The following LHFPL3 variants were observed in gnomAD, a reference collection of about 807,000 sequenced individuals.
The protein encoded by LHFPL3 is LHFPL tetraspan subfamily member 3 protein.
LHFPL3 carries 5 observed loss-of-function variants against 19.3 expected under a neutral mutation model. The observed-to-expected ratio is 0.26, with a 90% confidence interval of 0.14 to 0.54. The LOEUF (loss-of-function observed/expected upper bound fraction) is 0.54, where lower values mean the gene tolerates loss of function less well. Among genes scored for constraint, LHFPL3 ranks in the 20% least tolerant of loss-of-function variants. The pLI, the probability that LHFPL3 is intolerant of heterozygous loss-of-function variation, is 0.94. For missense variants in LHFPL3, 249 were observed against 307.4 expected (o/e 0.81, Z 1.42); for synonymous variants, 133 against 126.2 (o/e 1.05, Z -0.36).
At chr7:104,467,069 A>G (rs1482014885) in intron 1 of LHFPL3, among the ~76,000 whole-genome samples, 1 of 148,162 alleles carries the variant, frequency 6.7e-6, no homozygotes, top group Non-Finnish European at 1.5e-5. Context: ...CATTTTATCT[A>G]AAACAATTTA....
chr7:104,699,276 T>C (rs909596418), intron 1 of LHFPL3, among the ~76,000 whole-genome samples: 1 of 152,226 alleles, frequency 6.6e-6, no homozygotes, highest in South Asian at 2.1e-4. Context: ...TGGAATTAAC[T>C]GAAGCATCCA....
chr7:104,502,645 C>T (rs1057322163), intron 1 of LHFPL3, among the ~76,000 whole-genome samples: 11 of 152,272 alleles, frequency 7.2e-5, no homozygotes, highest in African/African-American at 2.6e-4. Context: ...CACACCACCT[C>T]CCAATGTATT....
chr7:104,867,076 A>C (rs1791738835), intron 2 of LHFPL3, among the ~76,000 whole-genome samples: 1 of 152,252 alleles, frequency 6.6e-6, no homozygotes, highest in African/African-American at 2.4e-5. Flanking sequence ...CATTCAAAGC[A>C]GTGTGTAGAG....
At chr7:104,648,390 A>G (rs1034389090) in intron 1 of LHFPL3, among the ~76,000 whole-genome samples, 2 of 152,224 alleles carry the variant, frequency 1.3e-5, no homozygotes, top group Non-Finnish European at 2.9e-5. Flanking sequence ...GTATACCATT[A>G]ATATTTTATT....
chr7:104,874,317 A>C (rs1003794327), intron 2 of LHFPL3, among the ~76,000 whole-genome samples: 2 of 151,728 alleles, frequency 1.3e-5, no homozygotes, highest in African/African-American at 4.8e-5. Flanking sequence ...TATTTGACTT[A>C]TATAAAAAGA....
At chr7:104,366,579 C>CA (rs1398181131) in intron 1 of LHFPL3, among the ~76,000 whole-genome samples, 2 of 152,174 alleles carry the variant, frequency 1.3e-5, no homozygotes, top group Non-Finnish European at 2.9e-5. Context: ...AGCACCCCGT[C>CA]AAGGGCTTTC....
At chr7:104,870,981 C>G (rs1199274461) in intron 2 of LHFPL3, among the ~76,000 whole-genome samples, 2 of 152,210 alleles carry the variant, frequency 1.3e-5, no homozygotes, top group Non-Finnish European at 1.5e-5. Context: ...TCCCTGTTCT[C>G]TAGGCCAAGG....
chr7:104,513,467 A>T (rs1404061996), intron 1 of LHFPL3, among the ~76,000 whole-genome samples: 3 of 152,256 alleles, frequency 2.0e-5, no homozygotes, highest in Non-Finnish European at 4.4e-5. Flanking sequence ...AGGGAGAAAC[A>T]GAAACAGGGA....
chr7:104,594,609 C>T (rs2115659166), intron 1 of LHFPL3, among the ~76,000 whole-genome samples: 1 of 152,264 alleles, frequency 6.6e-6, no homozygotes, highest in Non-Finnish European at 1.5e-5. Flanking sequence ...GGAAGTTCTC[C>T]TAGATAATAT....
At chr7:104,675,931 A>G (rs1039044138) in intron 1 of LHFPL3, among the ~76,000 whole-genome samples, 1 of 152,230 alleles carries the variant, frequency 6.6e-6, no homozygotes, top group African/African-American at 2.4e-5. Context: ...GGGCAGATCT[A>G]CAGATAGACA....
chr7:104,328,764 GA>G lies in LHFPL3; in HGVS notation c.-15del. On this transcript the variant is annotated 5_prime_UTR_variant, in exon 1 of 3. Coordinates refer to ENST00000424859, the MANE Select transcript of LHFPL3 (RefSeq NM_199000.3). This position sits in a 1 kb window ranked among gnomAD's most constrained non-coding sequence, Gnocchi z 4.6. ...GGAGGACCAGGAGGAGGAGGAGGAG[GA>G]GGAGGAGGGGGAGAATGCCCGGAGC... 1 of 1,559,640 alleles carries G rather than the reference GA, an allele frequency of 6.4e-7. No individual in the cohort carries two copies. Among genetic ancestry groups the G allele is most frequent in the Non-Finnish European group, 8.7e-7 (1 of 1,152,334 alleles).
At chr7:104,552,694 C>T (rs1287231553) in intron 1 of LHFPL3, among the ~76,000 whole-genome samples, 1 of 152,010 alleles carries the variant, frequency 6.6e-6, no homozygotes, top group East Asian at 1.9e-4. Flanking sequence ...GTAATTAATC[C>T]CTGTCATGAA....
chr7:104,453,379 C>G (rs1792478158), intron 1 of LHFPL3, among the ~76,000 whole-genome samples: 1 of 151,948 alleles, frequency 6.6e-6, no homozygotes, highest in African/African-American at 2.4e-5. Flanking sequence ...TGTTTGCTAA[C>G]TGGTGCTAAG....
chr7:104,794,534 G>A (rs546688652), intron 2 of LHFPL3, among the ~76,000 whole-genome samples: 2 of 152,346 alleles, frequency 1.3e-5, no homozygotes, highest in East Asian at 3.9e-4. Context: ...CACACAGCTA[G>A]TGATGTGTGC....
At chr7:104,754,003 C>G (rs1033505710) in intron 2 of LHFPL3, among the ~76,000 whole-genome samples, 8 of 152,094 alleles carry the variant, frequency 5.3e-5, no homozygotes, top group Admixed American at 4.6e-4. Flanking sequence ...TGGATTTACA[C>G]CCAGGAAATT....
At chr7:104,725,812 G>A (rs1441592450) in intron 1 of LHFPL3, among the ~76,000 whole-genome samples, 2 of 151,992 alleles carry the variant, frequency 1.3e-5, no homozygotes, top group African/African-American at 4.8e-5. Context: ...AGCACTTTGG[G>A]AGGCCAAAAA....
chr7:104,857,085 T>C (rs1384173981), intron 2 of LHFPL3, among the ~76,000 whole-genome samples: 1 of 152,140 alleles, frequency 6.6e-6, no homozygotes, highest in African/African-American at 2.4e-5. Context: ...ACTTATGAAG[T>C]AGGTACAGGC....
intron 2 of LHFPL3, among the ~76,000 whole-genome samples, chr7:104,819,812 T>C (rs939467736): frequency 6.6e-5 from 10 of 152,336 alleles, no homozygotes; most frequent in Admixed American, 3.9e-4. Context: ...CTTGCATTTT[T>C]GAAGGCACAT....
intron 1 of LHFPL3, among the ~76,000 whole-genome samples, chr7:104,473,694 A>T (rs190019320): frequency 3.0e-4 from 46 of 152,138 alleles, no homozygotes; most frequent in African/African-American, 1.1e-3. Context: ...TCTCTATCTG[A>T]TGGGGCTGGT....
Sources: gnomAD v4.1 joint callset for allele counts (sites outside exome capture counted in the v4.1 genomes callset) on GRCh38, gnomAD v4.1.1 for gene constraint, Gnocchi (gnomAD v3.1) non-coding constraint, MANE v1.5 for transcripts, NCBI Gene and HGNC (gene_info 2026-07-23, HGNC 2026-07-21) for gene names.